The following MYPOP variants were observed in gnomAD, a reference collection of about 807,000 sequenced individuals.
MYPOP encodes myb-related transcription factor, partner of profilin.
A neutral mutation model predicts 25.7 loss-of-function variants in MYPOP; 21 were observed. That is an observed-to-expected ratio of 0.82 (90% confidence interval 0.58 to 1.18). The LOEUF (loss-of-function observed/expected upper bound fraction) is 1.18. Ranked by LOEUF, MYPOP falls within the 50% of genes most tolerant of loss-of-function variation. The pLI, the probability that MYPOP is intolerant of heterozygous loss-of-function variation, is 0.00. For synonymous variants in MYPOP, 280 were observed against 247.9 expected (o/e 1.13, Z -1.22); for missense variants, 566 against 588.3 (o/e 0.96, Z 0.39).
chr19:45,896,707 G>A (rs1967210386), intron 2 of MYPOP, among the ~76,000 whole-genome samples: 1 of 149,928 alleles, frequency 6.7e-6, no homozygotes, highest in South Asian at 2.2e-4. Context: ...CTCACTGCAA[G>A]CTCCGCTTCC....
chr19:45,890,712 C>CGGGGGGG lies in MYPOP; in HGVS notation c.1110_1111insCCCCCCC (p.Ala371ProfsTer81). 21 of 413,454 alleles carry CGGGGGGG rather than the reference C, an allele frequency of 5.1e-5. No homozygotes were observed. Among genetic ancestry groups the CGGGGGGG allele is most frequent in the Non-Finnish European group, 7.9e-5 (18 of 228,568 alleles). The allele number at this position is 413,454 out of a possible 1,614,324, so 25.6% of individuals were successfully genotyped here. On this transcript the variant is annotated frameshift_variant, in exon 3 of 3. Coordinates refer to ENST00000322217, the MANE Select transcript of MYPOP (RefSeq NM_001012643.4). LOFTEE classifies it high-confidence loss of function. ...GGGGAGTCGTGCGGAGGGAGCGGGG[C>CGGGGGGG]TGGGGGGGGCCGGGGTGCCCCCTCC...
intron 2 of MYPOP, among the ~76,000 whole-genome samples, chr19:45,894,994 G>A (rs1360547389): frequency 6.6e-6 from 1 of 152,142 alleles, no homozygotes; most frequent in Non-Finnish European, 1.5e-5. Flanking sequence ...GGGATTACAG[G>A]TGTAAGCACT....
Position 45,891,208 on chromosome 19 carries a change from AG to A in MYPOP, c.614del (p.Pro205LeufsTer83). On this transcript the variant is annotated frameshift_variant, in exon 3 of 3. Transcript: ENST00000322217. LOFTEE classifies it high-confidence loss of function. ...PRPKERESPPPSALQPVQLPR... is the reference protein window; with the variant it reads ...PRPKERESPPXSALQPVQLPR... ...GCAGCTGGACCGGCTGCAGGGCCGAAGGGGGTGGTGACTCACGCTCCTTGGG... is the reference window on the plus strand; with the variant it reads ...GCAGCTGGACCGGCTGCAGGGCCGAAGGGGTGGTGACTCACGCTCCTTGGG... 1 of 1,534,400 alleles carries A rather than the reference AG, an allele frequency of 6.5e-7. No homozygotes were observed.
intron 2 of MYPOP, among the ~76,000 whole-genome samples, chr19:45,899,194 C>T (rs1320762888): frequency 6.6e-6 from 1 of 152,174 alleles, no homozygotes; most frequent in African/African-American, 2.4e-5. Context: ...CCATTTCACT[C>T]TAGCCTGGGC....
intron 2 of MYPOP, among the ~76,000 whole-genome samples, chr19:45,898,206 T>C (rs1258505309): frequency 6.6e-6 from 1 of 152,210 alleles, no homozygotes; most frequent in African/African-American, 2.4e-5. Flanking sequence ...ATTACAGGCA[T>C]GAGCCACCGC....
intron 2 of MYPOP, among the ~76,000 whole-genome samples, chr19:45,897,268 G>A (rs1436161354): frequency 1.3e-5 from 2 of 150,644 alleles, no homozygotes; most frequent in African/African-American, 4.9e-5. Context: ...TCACCACATT[G>A]GCCAGGCTGG....
rs537518736 is a variant in MYPOP at position 45,894,036 on chromosome 19, A to C, written c.500-2713T>G. 2.7e-5 allele frequency among the ~76,000 whole-genome samples: 4 copies of C among 149,766 alleles called. No homozygotes were observed. The South Asian group carries it at 6.4e-4, about 24-fold the overall frequency. Reference sequence around the variant, plus strand: ...GATCTCCTGACCTCGTGATCTGCCCACCTCAGCCTCCCAAAGTGCTGGGAT... The same window carrying C: ...GATCTCCTGACCTCGTGATCTGCCCCCCTCAGCCTCCCAAAGTGCTGGGAT... On this transcript the variant is annotated intron_variant, in intron 2 of 2. Transcript: ENST00000322217.
rs756813052 is a variant in MYPOP at position 45,891,131 on chromosome 19, G to A, written c.692C>T (p.Pro231Leu). ...TGAGGGTGCCACTTGGGCCAGTGGC[G>A]GTGGGGGTGGCAGTGGAGGGGCTGG... ...PPPAPPLPPP[P>L]PLAQVAPSPP... Residue 231 changes from proline (P) to leucine (L), a missense_variant, in exon 3 of 3, where the codon CCG becomes CTG. By Grantham distance (98) the Pro-to-Leu change is moderately conservative (BLOSUM62 -3). Coordinates refer to ENST00000322217, the MANE Select transcript of MYPOP (RefSeq NM_001012643.4). The A allele has an allele frequency of 1.1e-4, 162 of 1,481,106 alleles. No individual in the cohort carries two copies. Among genetic ancestry groups the A allele is most frequent in the Non-Finnish European group, 1.2e-4 (129 of 1,113,802 alleles). 91.7% of individuals were successfully genotyped at this position (1,481,106 alleles called of 1,614,324 possible).
chr19:45,898,148 C>T (rs1967233862), intron 2 of MYPOP, among the ~76,000 whole-genome samples: 1 of 151,760 alleles, frequency 6.6e-6, no homozygotes, highest in African/African-American at 2.4e-5. Flanking sequence ...TGGTCTTGAA[C>T]TCCTAACCTC....
intron 2 of MYPOP, among the ~76,000 whole-genome samples, chr19:45,895,662 CTTT>C (rs1967192732): frequency 2.6e-5 from 4 of 152,114 alleles, no homozygotes; most frequent in Admixed American, 2.6e-4. Flanking sequence ...AACATTTTTT[CTTT>C]AACGAGAAAA....
chr19:45,899,182 C>T (rs1016959844), intron 2 of MYPOP, among the ~76,000 whole-genome samples: 22 of 152,116 alleles, frequency 1.4e-4, no homozygotes, highest in African/African-American at 5.1e-4. Context: ...GCCGAGATTG[C>T]GCCATTTCAC....
At position 45,901,228 on chromosome 19, in the gene MYPOP, A is replaced by G; in HGVS notation, c.499+47T>C. 1 of 1,398,074 alleles carries G rather than the reference A, an allele frequency of 7.2e-7. No homozygotes were observed. Among genetic ancestry groups the G allele is most frequent in the Non-Finnish European group, 9.3e-7 (1 of 1,073,860 alleles). The allele number at this position is 1,398,074 out of a possible 1,614,324, so 86.6% of individuals were successfully genotyped here. A position where few individuals can be genotyped will look rare whatever the true frequency, so the allele number is the denominator to read the frequency against. The stretch of plus-strand genomic sequence containing the variant: ...AGCAAGGCTTTGATGAGACATGTAA[A>G]AGGCTTGCAACAGCGCAGGCACACA... On this transcript the variant is annotated intron_variant, in intron 2 of 2. Coordinates refer to ENST00000322217, the MANE Select transcript of MYPOP (RefSeq NM_001012643.4). This position sits in a 1 kb window ranked among gnomAD's most constrained non-coding sequence, Gnocchi z 5.7.
Position 45,890,506 on chromosome 19 carries a change from G to A in MYPOP, c.*117C>T. The A allele has an allele frequency of 3.4e-6, 5 of 1,485,240 alleles. No individual in the cohort carries two copies. The highest frequency in any genetic ancestry group is 3.8e-4 in the Middle Eastern group (2 of 5,248). 92.0% of individuals were successfully genotyped at this position (1,485,240 alleles called of 1,614,324 possible). ...GCACTAACTAGCACAGGGAGTGGGT[G>A]CTCACATCCCTGGAGCAGGGAGCTA... On this transcript the variant is annotated 3_prime_UTR_variant, in exon 3 of 3. Transcript: ENST00000322217.
At chr19:45,891,375 G>A (rs1218211370) in intron 2 of MYPOP, 52 bp from the exon 3 acceptor site, 10 of 1,415,794 alleles carry the variant, frequency 7.1e-6, no homozygotes, top group Non-Finnish European at 9.2e-6. Context: ...ATGCTGCCTT[G>A]ATTTCCCCTT....
At chr19:45,892,503 G>A (rs967953260) in intron 2 of MYPOP, among the ~76,000 whole-genome samples, 4 of 151,990 alleles carry the variant, frequency 2.6e-5, no homozygotes, top group African/African-American at 7.3e-5. Flanking sequence ...TGAACCTCTC[G>A]CCTGGGCTCC....
At position 45,901,353 on chromosome 19, in the gene MYPOP, A is replaced by G. The variant is rs2146383086; in HGVS notation, c.421T>C (p.Ser141Pro). The change falls in exon 2 of 3, where the codon TCT becomes CCT. Residue 141 changes from serine to proline, a missense_variant. Coordinates refer to ENST00000322217, the MANE Select transcript of MYPOP (RefSeq NM_001012643.4). This position sits in a 1 kb window ranked among gnomAD's most constrained non-coding sequence, Gnocchi z 5.7. Reference sequence around the variant, plus strand: ...GCGCTTGGGGGCGGCGGCTGTGAAGAGGGGGCCGCAGGGGGCTCCTCCGCC... The same window carrying G: ...GCGCTTGGGGGCGGCGGCTGTGAAGGGGGGGCCGCAGGGGGCTCCTCCGCC... ...AGAEEPPAAP[S>P]SQPPPPSACP... 1 of 1,459,492 alleles carries G rather than the reference A, an allele frequency of 6.9e-7. No individual in the cohort carries two copies. The highest frequency in any genetic ancestry group is 2.6e-5 in the East Asian group (1 of 38,998). The allele number at this position is 1,459,492 out of a possible 1,614,324, so 90.4% of individuals were successfully genotyped here.
Position 45,901,376 on chromosome 19 carries a change from G to A in MYPOP, c.398C>T (p.Ala133Val). ...AGAGGGGGCCGCAGGGGGCTCCTCC[G>A]CCCCAGCACCTGCCCCCGGCGCCGC... ...GVAAPGAGAG[A>V]EEPPAAPSSQ... Residue 133 changes from alanine (A) to valine (V), a missense_variant, in exon 2 of 3, where the codon GCG becomes GTG. Physicochemically the swap from Ala to Val is moderately conservative, Grantham distance 64 (BLOSUM62 0). Transcript: ENST00000322217. This position sits in a 1 kb window ranked among gnomAD's most constrained non-coding sequence, Gnocchi z 5.7. 2.0e-6 allele frequency: 3 copies of A among 1,490,114 alleles called. No individual in the cohort carries two copies. Among genetic ancestry groups the A allele is most frequent in the Non-Finnish European group, 2.7e-6 (3 of 1,119,862 alleles). 92.3% of individuals were successfully genotyped at this position (1,490,114 alleles called of 1,614,324 possible).
Position 45,901,758 on chromosome 19 carries a change from C to T in MYPOP, c.16G>A (p.Ala6Thr). 1 of 1,480,940 alleles carries T rather than the reference C, an allele frequency of 6.8e-7. No homozygotes were observed. Among genetic ancestry groups the T allele is most frequent in the Non-Finnish European group, 8.9e-7 (1 of 1,117,910 alleles). The allele number at this position is 1,480,940 out of a possible 1,614,324, so 91.7% of individuals were successfully genotyped here. A position where few individuals can be genotyped will look rare whatever the true frequency, so the allele number is the denominator to read the frequency against. Residue 6 changes from alanine (A) to threonine (T), a missense_variant, in exon 2 of 3, where the codon GCG becomes ACG. By Grantham distance (58) the Ala-to-Thr change is moderately conservative. Transcript: ENST00000322217. The surrounding 1 kb of genome is among the most constrained non-coding windows in gnomAD (Gnocchi z 5.7). The stretch of plus-strand genomic sequence containing the variant: ...CGGGTGGTTTCCTCCGCTTCGCCCG[C>T]CGCCGCCGAGGCCATGGCGCCCCCC... MASAA[A>T]GEAEETTRLR... is the part of the protein sequence containing the mutation.
chr19:45,894,753 C>T (rs1325604453), intron 2 of MYPOP, among the ~76,000 whole-genome samples: 1 of 147,114 alleles, frequency 6.8e-6, no homozygotes, highest in Non-Finnish European at 1.5e-5. Context: ...GAGTCTCATT[C>T]AGCTGCCCAG....
Sources: allele counts gnomAD v4.1 joint callset (sites outside exome capture counted in the v4.1 genomes callset), GRCh38; gene constraint gnomAD v4.1.1; non-coding constraint Gnocchi (gnomAD v3.1); transcripts MANE v1.5; gene names NCBI Gene and HGNC (gene_info 2026-07-23, HGNC 2026-07-21).